ZBTB8A: variants seen among roughly 807,000 people sequenced by gnomAD.
ZBTB8A encodes zinc finger and BTB domain containing 8A.
In ZBTB8A, 19 loss-of-function variants were observed where a neutral mutation model predicts 37.8. The observed-to-expected ratio is 0.50, with a 90% CI of 0.35 to 0.74. The LOEUF (loss-of-function observed/expected upper bound fraction) is 0.74. Ranked by LOEUF, ZBTB8A falls within the 30% of genes least tolerant of loss-of-function variation. ZBTB8A has a pLI of 0.01. For synonymous variants in ZBTB8A, 181 were observed against 185.2 expected, an observed-to-expected ratio of 0.98 and a Z score of 0.19; for missense variants, 394 against 537.8, an observed-to-expected ratio of 0.73 and a Z score of 2.65.
intron 2 of ZBTB8A, among the ~76,000 whole-genome samples, chr1:32,581,599 G>A (rs575424295): frequency 2.6e-5 from 4 of 151,848 alleles, no homozygotes; most frequent in African/African-American, 4.8e-5. Context: ...TGATCCACCC[G>A]CCTCGGCCTC....
At chr1:32,566,201 CAA>C (rs35071920) in intron 2 of ZBTB8A, among the ~76,000 whole-genome samples, 7 of 70,724 alleles carry the variant, frequency 9.9e-5, no homozygotes, top group Non-Finnish European at 8.3e-5. Context: ...GACTCCATCT[CAA>C]AAAAAAAAAA....
Position 32,592,977 on chromosome 1 carries a change from G to C in ZBTB8A, c.46G>C (p.Glu16Gln). The change falls in exon 3 of 5, where the codon GAG becomes CAG. Residue 16 changes from glutamate (E) to glutamine (Q), a missense_variant. Glu to Gln is a conservative substitution (Grantham distance 29). This residue lies in a region of ZBTB8A where 96 missense variants were observed against 165.6 expected (regional missense o/e 0.58). Coordinates refer to ENST00000373510, the MANE Select transcript of ZBTB8A (RefSeq NM_001040441.3). Reference sequence around the variant, plus strand: ...GTCTCACCTCCTGCAGCAACTGAACGAGCAGCGCAGGCAAGATGTATTTTG... The same window carrying C: ...GTCTCACCTCCTGCAGCAACTGAACCAGCAGCGCAGGCAAGATGTATTTTG... ...HQSHLLQQLN[E>Q]QRRQDVFCDC... 1 of 1,613,864 alleles carries C rather than the reference G, an allele frequency of 6.2e-7. No individual in the cohort carries two copies. The highest frequency in any genetic ancestry group is 1.3e-5 in the African/African-American group (1 of 75,042).
intron 2 of ZBTB8A, among the ~76,000 whole-genome samples, chr1:32,591,625 A>G (rs997734758): frequency 6.6e-6 from 1 of 151,714 alleles, no homozygotes; most frequent in Non-Finnish European, 1.5e-5. Context: ...TTTATTGAAG[A>G]TGCTTGGCTG....
chr1:32,573,738 C>CTTTTTT (rs753573244), intron 2 of ZBTB8A, among the ~76,000 whole-genome samples: 5 of 95,008 alleles, frequency 5.3e-5, no homozygotes, highest in African/African-American at 1.3e-4. Context: ...CCAGCTAAAA[C>CTTTTTT]TTTTTTTTTT....
chr1:32,541,467 A>G (rs896113233), intron 1 of ZBTB8A, among the ~76,000 whole-genome samples: 5 of 152,200 alleles, frequency 3.3e-5, no homozygotes, highest in East Asian at 1.9e-4. Flanking sequence ...CATCTTCTCA[A>G]TGAGGCTTTC....
Position 32,600,261 on chromosome 1 carries a change from C to G in ZBTB8A, c.1168C>G (p.Pro390Ala), listed in dbSNP as rs1309742161. ...DLEAEQHLMS[P>A]SDGDKDSRWH... ...GGAAGCTGAACAACATCTTATGTCC[C>G]CATCAGATGGAGATAAGGATTCCAG... is the stretch of plus-strand genomic sequence containing the variant. Residue 390 changes from proline to alanine, a missense_variant, in exon 5 of 5, where the codon CCA becomes GCA. Coordinates refer to ENST00000373510, the MANE Select transcript of ZBTB8A (RefSeq NM_001040441.3). 3 of 1,613,982 alleles carry G rather than the reference C, an allele frequency of 1.9e-6. No individual in the cohort carries two copies. The highest frequency in any genetic ancestry group is 2.5e-6 in the Non-Finnish European group (3 of 1,180,020).
chr1:32,554,112 A>T (rs1262409152), intron 2 of ZBTB8A, among the ~76,000 whole-genome samples: 2 of 150,290 alleles, frequency 1.3e-5, no homozygotes, highest in Non-Finnish European at 3.0e-5. Flanking sequence ...AGACAGGAGA[A>T]TCACTTCAAT....
intron 4 of ZBTB8A, among the ~76,000 whole-genome samples, chr1:32,598,895 G>C (rs1430286964): frequency 1.3e-5 from 2 of 151,990 alleles, no homozygotes; most frequent in Non-Finnish European, 2.9e-5. Context: ...ATGTCCAGTA[G>C]AATTAGTCAG....
Position 32,548,137 on chromosome 1 carries a change from T to TAA in ZBTB8A, c.-83-5298_-83-5297dup, listed in dbSNP as rs770998213. ...GACAGAGCTAGACTCCGTCTCAAAT[T>TAA]AAAAAAAAAAAAAAAAAAAAAAAAA... On this transcript the variant is annotated intron_variant, in intron 1 of 4. Transcript: ENST00000373510. Among the ~76,000 whole-genome samples the TAA allele has an allele frequency of 4.8e-3, 318 of 65,744 alleles. 2 individuals are homozygous for TAA. The highest frequency in any genetic ancestry group is 0.017 in the African/African-American group (281 of 16,882). The allele number at this position is 65,744 out of a possible 152,430, so 43.1% of individuals were successfully genotyped here. A position where few individuals can be genotyped will look rare whatever the true frequency, so the allele number is the denominator to read the frequency against.
At chr1:32,570,068 A>T (rs1224283928) in intron 2 of ZBTB8A, among the ~76,000 whole-genome samples, 2 of 152,208 alleles carry the variant, frequency 1.3e-5, no homozygotes, top group African/African-American at 4.8e-5. Flanking sequence ...GAAAATTTGT[A>T]TGTTGTGTAA....
intron 2 of ZBTB8A, among the ~76,000 whole-genome samples, chr1:32,584,003 C>T (rs1263332794): frequency 2.6e-5 from 4 of 152,130 alleles, no homozygotes; most frequent in Admixed American, 6.6e-5. Flanking sequence ...AGTGATCCAC[C>T]TGCCTCGGCC....
Position 32,600,343 on chromosome 1 carries a change from C to A in ZBTB8A, c.1250C>A (p.Ser417Tyr). ...RSYVEIVEDGSADLVIQQVDD... is the reference protein window; with the variant it reads ...RSYVEIVEDGYADLVIQQVDD... ...TATGTGGAGATTGTAGAAGATGGGT[C>A]TGCTGATCTGGTCATCCAACAGGTT... is the stretch of plus-strand genomic sequence containing the variant. The change falls in exon 5 of 5, where the codon TCT becomes TAT. Residue 417 changes from serine (S) to tyrosine (Y), a missense_variant. This residue lies in a region of ZBTB8A where 85 missense variants were observed against 89.0 expected (regional missense o/e 0.95). Transcript: ENST00000373510. The A allele has an allele frequency of 6.2e-7, 1 of 1,614,060 alleles. No individual in the cohort carries two copies. The highest frequency in any genetic ancestry group is 1.1e-5 in the South Asian group (1 of 91,074).
In ZBTB8A at chr1:32,605,186, G is replaced by C. The variant is rs1048091984; in HGVS notation, c.*4767G>C. On this transcript the variant is annotated 3_prime_UTR_variant, in exon 5 of 5. Transcript: ENST00000373510. Reference sequence around the variant, plus strand: ...AAAAAAAAAAAGATGTGTTTAACTGGGAAGGGTGATAATAATAGAATAATA... The same window carrying C: ...AAAAAAAAAAAGATGTGTTTAACTGCGAAGGGTGATAATAATAGAATAATA... The C allele has an allele frequency of 2.0e-5, 3 of 150,958 alleles. No homozygotes were observed. The highest frequency in any genetic ancestry group is 7.3e-5 in the African/African-American group (3 of 41,094). The allele number at this position is 150,958 out of a possible 1,614,324, so 9.4% of individuals were successfully genotyped here.
rs1644504088 is a variant in ZBTB8A at position 32,593,303 on chromosome 1, T to G, written c.372T>G (p.Ile124Met). Residue 124 changes from isoleucine to methionine, a missense_variant, in exon 3 of 5, where the codon ATT (isoleucine) becomes ATG (methionine). Transcript: ENST00000373510. ...CKTFIKSSLDISEKEKDRYFS... is the reference protein window; with the variant it reads ...CKTFIKSSLDMSEKEKDRYFS... ...CTTTTATTAAATCTTCCTTAGACAT[T>G]AGTGAGAAAGAAAAAGATCGCTATT... 1 of 1,614,076 alleles carries G rather than the reference T, an allele frequency of 6.2e-7. No homozygotes were observed. Among genetic ancestry groups the G allele is most frequent in the South Asian group, 1.1e-5 (1 of 91,086 alleles).
intron 2 of ZBTB8A, among the ~76,000 whole-genome samples, chr1:32,580,348 A>T (rs1644393860): frequency 1.3e-5 from 2 of 152,120 alleles, no homozygotes; most frequent in Admixed American, 1.3e-4. Context: ...ACTTGAGTTC[A>T]GGAGTTCGAG....
intron 2 of ZBTB8A, among the ~76,000 whole-genome samples, chr1:32,556,922 T>C (rs1215678709): frequency 6.6e-6 from 1 of 151,952 alleles, no homozygotes; most frequent in African/African-American, 2.4e-5. Context: ...CCAATATATA[T>C]AATACAAGGG....
intron 2 of ZBTB8A, among the ~76,000 whole-genome samples, chr1:32,588,593 A>G (rs1478918006): frequency 1.3e-5 from 2 of 152,032 alleles, no homozygotes; most frequent in African/African-American, 2.4e-5. Flanking sequence ...AAATGAAGAA[A>G]GTGTTTTAGG....
chr1:32,548,324 TTTTTTG>T (rs996051014), intron 1 of ZBTB8A, among the ~76,000 whole-genome samples: 12 of 151,644 alleles, frequency 7.9e-5, no homozygotes, highest in Non-Finnish European at 1.0e-4. Flanking sequence ...TGTATCCACA[TTTTTTG>T]TTTTTGTTTT....
At chr1:32,549,425 T>A (rs1570312075) in intron 1 of ZBTB8A, among the ~76,000 whole-genome samples, 1 of 148,012 alleles carries the variant, frequency 6.8e-6, no homozygotes, top group African/African-American at 2.5e-5. Context: ...ACCCAAGAGG[T>A]AGAGGTTGCG....
Sources: allele counts gnomAD v4.1 joint callset (sites outside exome capture counted in the v4.1 genomes callset), GRCh38; gene constraint gnomAD v4.1.1; regional missense constraint gnomAD v4.1.1; transcripts MANE v1.5; gene names NCBI Gene and HGNC (gene_info 2026-07-23, HGNC 2026-07-21).